STXBP5L: variants seen among roughly 807,000 people sequenced by gnomAD.
The protein encoded by STXBP5L is syntaxin binding protein 5L.
A neutral mutation model predicts 144.5 loss-of-function variants in STXBP5L; 65 were observed. That is an observed-to-expected ratio of 0.45 (90% CI 0.37 to 0.55). The LOEUF (loss-of-function observed/expected upper bound fraction) is 0.55, where lower values mean the gene tolerates loss of function less well. Ranked by LOEUF, STXBP5L falls within the 20% of genes least tolerant of loss-of-function variation. STXBP5L has a pLI of 0.00. For missense variants in STXBP5L, 1,298 were observed against 1,405.5 expected, an observed-to-expected ratio of 0.92 and a Z score of 1.22; for synonymous variants, 505 against 469.6, an observed-to-expected ratio of 1.08 and a Z score of -0.97.
rs115521066 is a variant in STXBP5L, at chr3:121,335,269, C to T, written c.2176+16729C>T. Reference sequence around the variant, plus strand: ...TTAAAAGGAAGGTGAAAGATCTCTACAATGAAATTACAAAACACTGCTTAA... The same window carrying T: ...TTAAAAGGAAGGTGAAAGATCTCTATAATGAAATTACAAAACACTGCTTAA... On this transcript the variant is annotated intron_variant, in intron 20 of 26. Transcript: ENST00000471454. Among the ~76,000 whole-genome samples, 703 of 152,076 alleles carry T rather than the reference C, an allele frequency of 4.6e-3. 9 individuals are homozygous for T. Among genetic ancestry groups the T allele is most frequent in the African/African-American group, 0.016 (655 of 41,502 alleles).
At position 121,347,212 on chromosome 3, in the gene STXBP5L, C is replaced by T. The variant is rs975803900; in HGVS notation, c.2176+28672C>T. 6.5e-4 allele frequency among the ~76,000 whole-genome samples: 99 copies of T among 152,258 alleles called. 1 individual carries two copies. Among genetic ancestry groups the T allele is most frequent in the African/African-American group, 2.1e-3 (87 of 41,556 alleles). On this transcript the variant is annotated intron_variant, in intron 20 of 26. Transcript: ENST00000471454. ...CAGCACCATTTATTAAATAGGGAAT[C>T]GTTTCCCCATTTCTTGTTTTTGTCA... is the stretch of plus-strand genomic sequence containing the variant.
chr3:120,976,813 A>C (rs1339843843), intron 3 of STXBP5L, among the ~76,000 whole-genome samples: 1 of 152,176 alleles, frequency 6.6e-6, no homozygotes, highest in African/African-American at 2.4e-5. Flanking sequence ...CCCAGTAGTC[A>C]TTCAGGAGCA....
At chr3:121,091,013 G>A (rs1045093706) in intron 5 of STXBP5L, among the ~76,000 whole-genome samples, 39 of 146,594 alleles carry the variant, frequency 2.7e-4, no homozygotes, top group African/African-American at 9.4e-4. Flanking sequence ...CCACCTATGA[G>A]TGAGAATATG....
At chr3:121,222,972 C>T in intron 10 of STXBP5L, 31 bp from the exon 11 acceptor site, 1 of 1,575,010 alleles carries the variant, frequency 6.3e-7, no homozygotes, top group African/African-American at 1.4e-5. Context: ...TAAAGGACTT[C>T]TGAGTCTCAT....
At chr3:121,189,609 G>C (rs1455985032) in intron 9 of STXBP5L, among the ~76,000 whole-genome samples, 2 of 152,176 alleles carry the variant, frequency 1.3e-5, no homozygotes. Flanking sequence ...GTACCATGCT[G>C]TTTTGGTTAC....
At chr3:121,208,124 AC>A (rs1169336216) in intron 10 of STXBP5L, among the ~76,000 whole-genome samples, 1 of 152,192 alleles carries the variant, frequency 6.6e-6, no homozygotes, top group African/African-American at 2.4e-5. Flanking sequence ...AAAATGTGGC[AC>A]ATATACACCA....
At chr3:121,222,882 T>G in intron 10 of STXBP5L, 121 bp from the exon 11 acceptor site, 2 of 1,127,070 alleles carry the variant, frequency 1.8e-6, no homozygotes, top group Non-Finnish European at 2.4e-6. Context: ...GCCGGGCAAG[T>G]TTTTTGCTGT....
At chr3:121,363,506 G>A (rs1051930504) in intron 20 of STXBP5L, among the ~76,000 whole-genome samples, 4 of 152,060 alleles carry the variant, frequency 2.6e-5, no homozygotes, top group African/African-American at 7.2e-5. Context: ...GCTGAGTTTG[G>A]TTTAGTTTAC....
Position 120,922,932 on chromosome 3 carries a change from A to G in STXBP5L, c.189+13165A>G, listed in dbSNP as rs577822453. ...TTTGAAGAGTTTGAGTAGAATTGCT[A>G]TTTGTTCTTTAAAATGTTAGGTAGA... On this transcript the variant is annotated intron_variant, in intron 2 of 26. Transcript: ENST00000471454. Among the ~76,000 whole-genome samples the G allele has an allele frequency of 1.4e-4, 21 of 151,916 alleles. 1 individual carries two copies. In the South Asian group the frequency reaches 2.7e-3, roughly 20 times the overall value.
At position 120,969,425 on chromosome 3, in the gene STXBP5L, T is replaced by G. The variant is rs572282441; in HGVS notation, c.287+14388T>G. ...TTTTTTTTTTTTCTTGTTAATTTGTTTGAGTTCCTTGTAGATTCTGGATAC... is the reference window on the plus strand; with the variant it reads ...TTTTTTTTTTTTCTTGTTAATTTGTGTGAGTTCCTTGTAGATTCTGGATAC... On this transcript the variant is annotated intron_variant, in intron 3 of 26. Transcript: ENST00000471454. 3.9e-5 allele frequency among the ~76,000 whole-genome samples: 6 copies of G among 151,932 alleles called. No individual in the cohort carries two copies. The South Asian group carries it at 1.2e-3, about 32-fold the overall frequency.
At position 121,344,093 on chromosome 3, in the gene STXBP5L, C is replaced by T. The variant is rs548118496; in HGVS notation, c.2176+25553C>T. On this transcript the variant is annotated intron_variant, in intron 20 of 26. Coordinates refer to ENST00000471454, the MANE Select transcript of STXBP5L (RefSeq NM_001308330.2). ...ACAACAGAGCCCTCAGAAATAACGC[C>T]ACATATCTACAACTATCTGATCTTT... Among the ~76,000 whole-genome samples the T allele has an allele frequency of 9.5e-4, 144 of 151,518 alleles. 1 individual carries two copies. Among genetic ancestry groups the T allele is most frequent in the Middle Eastern group, 3.4e-3 (1 of 294 alleles).
At chr3:121,056,499 G>C (rs1948470228) in intron 5 of STXBP5L, among the ~76,000 whole-genome samples, 1 of 152,142 alleles carries the variant, frequency 6.6e-6, no homozygotes, top group Non-Finnish European at 1.5e-5. Flanking sequence ...CATAATTTAT[G>C]AAATCTCTGG....
chr3:121,238,197 A>T (rs2049546123), intron 12 of STXBP5L, among the ~76,000 whole-genome samples: 2 of 152,150 alleles, frequency 1.3e-5, no homozygotes, highest in African/African-American at 4.8e-5. Context: ...TTTTCAAAAA[A>T]AATGTTTATT....
intron 9 of STXBP5L, among the ~76,000 whole-genome samples, chr3:121,173,666 ATGT>A (rs1356201762): frequency 1.3e-5 from 2 of 152,224 alleles, no homozygotes; most frequent in African/African-American, 2.4e-5. Flanking sequence ...AGAAAAGAAA[ATGT>A]TATTAAGAAA....
chr3:121,136,537 C>A (rs1035228879), intron 7 of STXBP5L, among the ~76,000 whole-genome samples: 2 of 152,202 alleles, frequency 1.3e-5, no homozygotes, highest in African/African-American at 4.8e-5. Context: ...TACCATCTCA[C>A]ACCAGTGAGA....
At chr3:120,994,072 T>G (rs1008263976) in intron 3 of STXBP5L, among the ~76,000 whole-genome samples, 2 of 152,092 alleles carry the variant, frequency 1.3e-5, no homozygotes, top group Non-Finnish European at 2.9e-5. Context: ...GATTGCTGTC[T>G]CAATTTCTTT....
intron 5 of STXBP5L, among the ~76,000 whole-genome samples, chr3:121,059,599 A>G (rs1264512385): frequency 6.6e-6 from 1 of 152,050 alleles, no homozygotes; most frequent in Non-Finnish European, 1.5e-5. Context: ...GATTCTTCCT[A>G]TCCATGAGCA....
intron 18 of STXBP5L, among the ~76,000 whole-genome samples, chr3:121,266,300 C>G (rs975170773): frequency 6.6e-6 from 1 of 152,206 alleles, no homozygotes; most frequent in Non-Finnish European, 1.5e-5. Flanking sequence ...TGGCCTCATA[C>G]CTGGGATGCA....
At chr3:121,192,269 G>A (rs2047726336) in intron 9 of STXBP5L, among the ~76,000 whole-genome samples, 1 of 152,148 alleles carries the variant, frequency 6.6e-6, no homozygotes, top group Admixed American at 6.5e-5. Flanking sequence ...TACAAGTGAT[G>A]TGAAGGACCT....
Sources: allele counts gnomAD v4.1 joint callset (sites outside exome capture counted in the v4.1 genomes callset), GRCh38; gene constraint gnomAD v4.1.1; transcripts MANE v1.5; gene names NCBI Gene and HGNC (gene_info 2026-07-23, HGNC 2026-07-21).